The following MAP3K4 variants were observed in gnomAD, a reference collection of about 807,000 sequenced individuals.
MAP3K4 encodes MAP three kinase 1.
In MAP3K4, 67 loss-of-function variants were observed where a neutral mutation model predicts 185.6. That is an observed-to-expected ratio of 0.36 (90% CI 0.30 to 0.44). The LOEUF is 0.44. Ranked by LOEUF, MAP3K4 falls within the 20% of genes least tolerant of loss-of-function variation. The pLI, the probability that MAP3K4 is intolerant of heterozygous loss-of-function variation, is 1.00. For missense variants in MAP3K4, 1,551 were observed against 1,995.1 expected (o/e 0.78, Z 4.24); for synonymous variants, 702 against 710.4 (o/e 0.99, Z 0.19).
At position 161,077,043 on chromosome 6, in the gene MAP3K4, C is replaced by T. The variant is rs551051676; in HGVS notation, c.2097+3431C>T. On this transcript the variant is annotated intron_variant, in intron 5 of 26. Transcript: ENST00000392142. The surrounding 1 kb of genome is among the most constrained non-coding windows in gnomAD (Gnocchi z 4.3). ...CTGAGGGGGGAGCATTGCAACTTAT[C>T]GGAAATTTATATACATTATAATCCA... Among the ~76,000 whole-genome samples, 45 of 152,174 alleles carry T rather than the reference C, an allele frequency of 3.0e-4. No individual in the cohort carries two copies. The highest frequency in any genetic ancestry group is 4.0e-4 in the Non-Finnish European group (27 of 68,010).
rs1279855926 is a variant in MAP3K4 at position 161,115,761 on chromosome 6, G to A, written c.4806+459G>A. On this transcript the variant is annotated intron_variant, in intron 26 of 26. Coordinates refer to ENST00000392142, the MANE Select transcript of MAP3K4 (RefSeq NM_005922.4). This position sits in a 1 kb window ranked among gnomAD's most constrained non-coding sequence, Gnocchi z 6.0. Reference sequence around the variant, plus strand: ...TAAGAGCCACAGCCAGGTCAGAAGTGGGGGAGGGGGCATGGAAGACAAAGT... The same window carrying A: ...TAAGAGCCACAGCCAGGTCAGAAGTAGGGGAGGGGGCATGGAAGACAAAGT... 1.3e-5 allele frequency among the ~76,000 whole-genome samples: 2 copies of A among 152,138 alleles called. No individual in the cohort carries two copies. The highest frequency in any genetic ancestry group is 4.8e-5 in the African/African-American group (2 of 41,426).
Position 161,101,943 on chromosome 6 carries a change from G to A in MAP3K4, c.3726G>A (p.Leu1242=). Residue 1242 remains leucine (L), a synonymous_variant, in exon 18 of 27, where the codon TTG becomes TTA. Coordinates refer to ENST00000392142, the MANE Select transcript of MAP3K4 (RefSeq NM_005922.4). The surrounding 1 kb of genome is among the most constrained non-coding windows in gnomAD (Gnocchi z 5.1). ...GATTGGCTTCCATAGCTGCTGAATTGCAGTTTAGGTCCCTGAGTCGTCACT... is the reference window on the plus strand; with the variant it reads ...GATTGGCTTCCATAGCTGCTGAATTACAGTTTAGGTCCCTGAGTCGTCACT... ...NDRLASIAAE[L]QFRSLSRHSS... The A allele has an allele frequency of 6.2e-7, 1 of 1,614,178 alleles. No individual in the cohort carries two copies. The highest frequency in any genetic ancestry group is 8.5e-7 in the Non-Finnish European group (1 of 1,180,022).
chr6:161,087,494 G>A lies in MAP3K4; in HGVS notation c.2557-194G>A, dbSNP rs925319391. Among the ~76,000 whole-genome samples, 1 of 152,226 alleles carries A rather than the reference G, an allele frequency of 6.6e-6. No homozygotes were observed. Among genetic ancestry groups the A allele is most frequent in the African/African-American group, 2.4e-5 (1 of 41,548 alleles). Reference sequence around the variant, plus strand: ...CTCTGTAAGGCCTCTCCTCCAGTGCGTTCACAGACTCTCCTCCTCCTGCCT... The same window carrying A: ...CTCTGTAAGGCCTCTCCTCCAGTGCATTCACAGACTCTCCTCCTCCTGCCT... On this transcript the variant is annotated intron_variant, in intron 9 of 26. Coordinates refer to ENST00000392142, the MANE Select transcript of MAP3K4 (RefSeq NM_005922.4). This position sits in a 1 kb window ranked among gnomAD's most constrained non-coding sequence, Gnocchi z 4.9.
Position 161,007,759 on chromosome 6 carries a change from A to G in MAP3K4, c.152+15676A>G, listed in dbSNP as rs1781657694. 6.6e-6 allele frequency among the ~76,000 whole-genome samples: 1 copy of G among 152,202 alleles called. No individual in the cohort carries two copies. The highest frequency in any genetic ancestry group is 1.5e-5 in the Non-Finnish European group (1 of 68,028). On this transcript the variant is annotated intron_variant, in intron 1 of 26. Transcript: ENST00000392142. This position sits in a 1 kb window ranked among gnomAD's most constrained non-coding sequence, Gnocchi z 4.5. ...AAGGTCATGCTTATTTAACTTATAG[A>G]TATTGAGCTTTTAGAGAGTAATGTT... is the stretch of plus-strand genomic sequence containing the variant.
In MAP3K4 at chr6:161,075,795, G is replaced by C. The variant is rs1785147795; in HGVS notation, c.2097+2183G>C. On this transcript the variant is annotated intron_variant, in intron 5 of 26. Transcript: ENST00000392142. The surrounding 1 kb of genome is among the most constrained non-coding windows in gnomAD (Gnocchi z 4.3). Reference sequence around the variant, plus strand: ...CTTAGAGTTTAGTTTTGGCATTACTGTCAATTATCCACATCTCTCTTCTTA... The same window carrying C: ...CTTAGAGTTTAGTTTTGGCATTACTCTCAATTATCCACATCTCTCTTCTTA... 6.6e-6 allele frequency among the ~76,000 whole-genome samples: 1 copy of C among 152,146 alleles called. No homozygotes were observed. The highest frequency in any genetic ancestry group is 2.1e-4 in the South Asian group (1 of 4,822).
At position 161,049,473 on chromosome 6, in the gene MAP3K4, A is replaced by G; in HGVS notation, c.1201A>G (p.Lys401Glu). 1 of 1,614,218 alleles carries G rather than the reference A, an allele frequency of 6.2e-7. No homozygotes were observed. Among genetic ancestry groups the G allele is most frequent in the Non-Finnish European group, 8.5e-7 (1 of 1,180,036 alleles). ...QALCLWLNIT[K>E]DLNQKLRIMG... ...ACTCTGTTTGTGGTTAAACATCACA[A>G]AAGACTTAAATCAGAAATTAAGGAT... Residue 401 changes from lysine to glutamate, a missense_variant, in exon 3 of 27, where the codon AAA becomes GAA. Physicochemically the swap from Lys to Glu is moderately conservative, Grantham distance 56. Coordinates refer to ENST00000392142, the MANE Select transcript of MAP3K4 (RefSeq NM_005922.4). This position sits in a 1 kb window ranked among gnomAD's most constrained non-coding sequence, Gnocchi z 8.4.
chr6:161,098,214 A>G lies in MAP3K4; in HGVS notation c.3525-64A>G, dbSNP rs535416712. 1.0e-5 allele frequency: 15 copies of G among 1,477,028 alleles called. No homozygotes were observed. In the Admixed American group the frequency reaches 2.5e-4, roughly 24 times the overall value. 91.5% of individuals were successfully genotyped at this position (1,477,028 alleles called of 1,614,324 possible). ...CTTGCCATATTTTATTTTTAATTGA[A>G]AACAATTTTCAAGTCCGTTCCCTCT... is the stretch of plus-strand genomic sequence containing the variant. On this transcript the variant is annotated intron_variant, in intron 16 of 26. Coordinates refer to ENST00000392142, the MANE Select transcript of MAP3K4 (RefSeq NM_005922.4). This position sits in a 1 kb window ranked among gnomAD's most constrained non-coding sequence, Gnocchi z 4.4.
At chr6:161,102,085 C>A in intron 18 of MAP3K4, 93 bp downstream of exon 18, 1 of 966,002 alleles carries the variant, frequency 1.0e-6, no homozygotes. Context: ...TATGAGGATT[C>A]CTTGAAGATT....
Position 161,087,795 on chromosome 6 carries a change from T to C in MAP3K4, c.2664T>C (p.Cys888=). 6.2e-7 allele frequency: 1 copy of C among 1,614,206 alleles called. No individual in the cohort carries two copies. Among genetic ancestry groups the C allele is most frequent in the Non-Finnish European group, 8.5e-7 (1 of 1,180,042 alleles). Residue 888 remains cysteine, a synonymous_variant, in exon 10 of 27, where the codon TGT becomes TGC. Coordinates refer to ENST00000392142, the MANE Select transcript of MAP3K4 (RefSeq NM_005922.4). This position sits in a 1 kb window ranked among gnomAD's most constrained non-coding sequence, Gnocchi z 4.9. ...TCAATGCAGCTGCAGGAAAGGACTGTTCAAAAGATTCAGATGACGTACTCA... is the reference window on the plus strand; with the variant it reads ...TCAATGCAGCTGCAGGAAAGGACTGCTCAAAAGATTCAGATGACGTACTCA... The part of the protein sequence containing the change: ...QLLNAAAGKD[C]SKDSDDVLID...
intron 15 of MAP3K4, among the ~76,000 whole-genome samples, chr6:161,095,028 A>G (rs879377030): frequency 1.3e-5 from 2 of 152,240 alleles, no homozygotes; most frequent in Admixed American, 6.5e-5. Context: ...GTAGAAAAAG[A>G]TTACAAAAGA....
rs1192804432 is a variant in MAP3K4, at chr6:160,996,487, T to C, written c.152+4404T>C. ...CATTTGTTGTAATAACTTCCTGTTATTTAATAATTCCTCATTCCTCATGAC... is the reference window on the plus strand; with the variant it reads ...CATTTGTTGTAATAACTTCCTGTTACTTAATAATTCCTCATTCCTCATGAC... On this transcript the variant is annotated intron_variant, in intron 1 of 26. Coordinates refer to ENST00000392142, the MANE Select transcript of MAP3K4 (RefSeq NM_005922.4). This position sits in a 1 kb window ranked among gnomAD's most constrained non-coding sequence, Gnocchi z 4.5. 6.6e-6 allele frequency among the ~76,000 whole-genome samples: 1 copy of C among 152,218 alleles called. No homozygotes were observed. Among genetic ancestry groups the C allele is most frequent in the African/African-American group, 2.4e-5 (1 of 41,458 alleles).
chr6:161,110,020 A>C lies in MAP3K4; in HGVS notation c.4396+106A>C, dbSNP rs894215579. 8.3e-7 allele frequency: 1 copy of C among 1,202,920 alleles called. No homozygotes were observed. The highest frequency in any genetic ancestry group is 1.2e-6 in the Non-Finnish European group (1 of 837,070). The allele number at this position is 1,202,920 out of a possible 1,614,324, so 74.5% of individuals were successfully genotyped here. On this transcript the variant is annotated intron_variant, in intron 23 of 26. Transcript: ENST00000392142. This position sits in a 1 kb window ranked among gnomAD's most constrained non-coding sequence, Gnocchi z 4.8. ...CCATTCCCACATATGATTTCTCTAGATGGAAATACCTTTCATTGAAATACG... is the reference window on the plus strand; with the variant it reads ...CCATTCCCACATATGATTTCTCTAGCTGGAAATACCTTTCATTGAAATACG...
chr6:161,110,006 T>TA lies in MAP3K4; in HGVS notation c.4396+93dup. 1 of 1,340,996 alleles carries TA rather than the reference T, an allele frequency of 7.5e-7. No individual in the cohort carries two copies. The highest frequency in any genetic ancestry group is 1.0e-6 in the Non-Finnish European group (1 of 952,438). The allele number at this position is 1,340,996 out of a possible 1,614,324, so 83.1% of individuals were successfully genotyped here. On this transcript the variant is annotated intron_variant, in intron 23 of 26. Transcript: ENST00000392142. This position sits in a 1 kb window ranked among gnomAD's most constrained non-coding sequence, Gnocchi z 4.8. The stretch of plus-strand genomic sequence containing the variant: ...TGAAGACGCTCATCCCATTCCCACA[T>TA]ATGATTTCTCTAGATGGAAATACCT...
Position 161,116,192 on chromosome 6 carries a change from A to C in MAP3K4, c.4807-658A>C, listed in dbSNP as rs1169204190. 2.0e-5 allele frequency among the ~76,000 whole-genome samples: 3 copies of C among 152,106 alleles called. No homozygotes were observed. The East Asian group carries it at 5.8e-4, about 29-fold the overall frequency. ...ACTCTATTTGCCAGGGTAGGGAAAG[A>C]AGCAGCTGGGTGAGGGGTGGGTCGG... is the stretch of plus-strand genomic sequence containing the variant. On this transcript the variant is annotated intron_variant, in intron 26 of 26. Coordinates refer to ENST00000392142, the MANE Select transcript of MAP3K4 (RefSeq NM_005922.4). This position sits in a 1 kb window ranked among gnomAD's most constrained non-coding sequence, Gnocchi z 6.2.
Position 161,109,970 on chromosome 6 carries a change from G to C in MAP3K4, c.4396+56G>C. 6.3e-7 allele frequency: 1 copy of C among 1,597,218 alleles called. No individual in the cohort carries two copies. The highest frequency in any genetic ancestry group is 2.2e-5 in the East Asian group (1 of 44,710). On this transcript the variant is annotated intron_variant, in intron 23 of 26. Transcript: ENST00000392142. The surrounding 1 kb of genome is among the most constrained non-coding windows in gnomAD (Gnocchi z 5.7). ...CCAGAGCCACTGGTACCCAGCCCGT[G>C]GGAGGTGCTCTGAAGACGCTCATCC...
chr6:161,045,065 A>G (rs182727841), intron 2 of MAP3K4, among the ~76,000 whole-genome samples: 477 of 152,322 alleles, frequency 3.1e-3, no homozygotes, highest in Middle Eastern at 0.01. Context: ...CTAAAAATGT[A>G]GCTACTGCTG....
rs1778518933 is a variant in MAP3K4 at position 161,114,807 on chromosome 6, G to T, written c.4627-316G>T. 6.6e-6 allele frequency among the ~76,000 whole-genome samples: 1 copy of T among 152,030 alleles called. No homozygotes were observed. On this transcript the variant is annotated intron_variant, in intron 25 of 26. Transcript: ENST00000392142. This position sits in a 1 kb window ranked among gnomAD's most constrained non-coding sequence, Gnocchi z 4.3. ...TGCATGATGATGGCTTCTAGATACT[G>T]TTGGACTAAATAGTGCACCCCAAAT...
At chr6:161,111,700 C>A in intron 23 of MAP3K4, 136 bp from the exon 24 acceptor site, 1 of 902,476 alleles carries the variant, frequency 1.1e-6, no homozygotes, top group African/African-American at 1.7e-5. Context: ...CCTATGATTA[C>A]ACTTTGTAAG....
intron 3 of MAP3K4, among the ~76,000 whole-genome samples, chr6:161,066,626 C>T (rs1784726492): frequency 6.6e-6 from 1 of 151,956 alleles, no homozygotes; most frequent in African/African-American, 2.4e-5. Context: ...TTAATTGAGC[C>T]CAGCTGTTCT....
Sources: allele counts gnomAD v4.1 joint callset (sites outside exome capture counted in the v4.1 genomes callset), GRCh38; gene constraint gnomAD v4.1.1; non-coding constraint Gnocchi (gnomAD v3.1); transcripts MANE v1.5; gene names NCBI Gene and HGNC (gene_info 2026-07-23, HGNC 2026-07-21).